The following KLHL1 variants were observed in gnomAD, a reference collection of about 807,000 sequenced individuals.
KLHL1 encodes kelch-like protein 1.
Under a neutral mutation model 77.7 loss-of-function variants are expected in KLHL1, and 47 were observed. That is an observed-to-expected ratio of 0.60 (90% CI 0.48 to 0.77). The LOEUF is 0.77. Among genes scored for constraint, KLHL1 ranks in the 30% least tolerant of loss-of-function variants. The pLI is 0.00. For missense variants in KLHL1, 925 were observed against 910.8 expected (o/e 1.02, Z -0.20); for synonymous variants, 360 against 325.2 (o/e 1.11, Z -1.15).
intron 4 of KLHL1, among the ~76,000 whole-genome samples, chr13:69,904,818 T>G (rs1881993904): frequency 6.6e-6 from 1 of 152,104 alleles, no homozygotes; most frequent in Non-Finnish European, 1.5e-5. Flanking sequence ...CTATACTGAG[T>G]TTTTAAATCA....
At chr13:69,863,007 A>G (rs1232010042) in intron 5 of KLHL1, among the ~76,000 whole-genome samples, 1 of 152,096 alleles carries the variant, frequency 6.6e-6, no homozygotes, top group Non-Finnish European at 1.5e-5. Flanking sequence ...GTTAAAATTT[A>G]TCTTTTACTC....
intron 7 of KLHL1, among the ~76,000 whole-genome samples, chr13:69,773,272 T>A (rs886534713): frequency 6.6e-6 from 1 of 152,118 alleles, no homozygotes; most frequent in African/African-American, 2.4e-5. Context: ...ATTTTTTATG[T>A]TCACCATGTG....
At chr13:69,956,135 A>ATGATATATATTTATATATATT (rs1182159282) in intron 3 of KLHL1, among the ~76,000 whole-genome samples, 28 of 141,842 alleles carry the variant, frequency 2.0e-4, no homozygotes, top group African/African-American at 7.2e-4. Flanking sequence ...TTTGATATAT[A>ATGATATATATTTATATATATT]TGATATATAT....
intron 1 of KLHL1, among the ~76,000 whole-genome samples, chr13:70,098,695 T>C (rs1250685624): frequency 6.6e-6 from 1 of 151,828 alleles, no homozygotes; most frequent in Admixed American, 6.6e-5. Context: ...AGCTGTTTAA[T>C]GTTTAGTGTA....
intron 10 of KLHL1, among the ~76,000 whole-genome samples, chr13:69,703,561 C>T (rs1875496096): frequency 6.6e-6 from 1 of 151,410 alleles, no homozygotes; most frequent in Non-Finnish European, 1.5e-5. Context: ...TCTGCAGTAG[C>T]ATATAGTAAT....
intron 6 of KLHL1, among the ~76,000 whole-genome samples, chr13:69,819,368 T>G (rs1878248338): frequency 6.6e-6 from 1 of 152,206 alleles, no homozygotes; most frequent in Admixed American, 6.5e-5. Flanking sequence ...ACACTCTCCA[T>G]AATAAAATGA....
intron 9 of KLHL1, among the ~76,000 whole-genome samples, chr13:69,717,541 T>G (rs189758308): frequency 6.3e-4 from 96 of 152,280 alleles, no homozygotes; most frequent in Non-Finnish European, 8.5e-4. Context: ...ATAAATGTAT[T>G]CCTAGACTGA....
intron 7 of KLHL1, among the ~76,000 whole-genome samples, chr13:69,775,258 A>G (rs1490206384): frequency 6.6e-6 from 1 of 152,148 alleles, no homozygotes; most frequent in Non-Finnish European, 1.5e-5. Context: ...AGATGGAGCA[A>G]GGTTACACTG....
intron 4 of KLHL1, among the ~76,000 whole-genome samples, chr13:69,914,609 G>GA (rs1882357325): frequency 6.6e-6 from 1 of 152,142 alleles, no homozygotes; most frequent in Admixed American, 6.6e-5. Context: ...GCCAGATAAT[G>GA]AAACATGATA....
intron 4 of KLHL1, among the ~76,000 whole-genome samples, chr13:69,914,003 G>A (rs976640714): frequency 1.3e-5 from 2 of 152,138 alleles, no homozygotes; most frequent in African/African-American, 4.8e-5. Flanking sequence ...GAAGAAGAAC[G>A]TGGAAAGACT....
chr13:69,845,366 C>T (rs1879418498), intron 5 of KLHL1, among the ~76,000 whole-genome samples: 1 of 151,654 alleles, frequency 6.6e-6, no homozygotes, highest in South Asian at 2.1e-4. Flanking sequence ...AATGAATGTA[C>T]TTCTCAGAGA....
rs1029634353 is a variant in KLHL1, at chr13:69,964,783, A to T, written c.681-3339T>A. Among the ~76,000 whole-genome samples the T allele has an allele frequency of 7.2e-5, 11 of 152,078 alleles. 1 individual carries two copies. The highest frequency in any genetic ancestry group is 8.8e-5 in the Non-Finnish European group (6 of 68,008). On this transcript the variant is annotated intron_variant, in intron 2 of 10. Transcript: ENST00000377844. ...TATTCATTGTTATCTATCTTCTCCT[A>T]TAAATATTTTGAATTATTTATGATA...
At chr13:69,751,199 C>T (rs930300665) in intron 7 of KLHL1, among the ~76,000 whole-genome samples, 4 of 150,866 alleles carry the variant, frequency 2.7e-5, no homozygotes, top group Admixed American at 1.3e-4. Context: ...TGTATGAAAT[C>T]AAGGCTGTCA....
chr13:69,825,250 A>G (rs1297865185), intron 6 of KLHL1, among the ~76,000 whole-genome samples: 1 of 152,154 alleles, frequency 6.6e-6, no homozygotes, highest in Non-Finnish European at 1.5e-5. Flanking sequence ...ATTTTAAAGC[A>G]GGGTGAGATA....
chr13:69,843,063 G>C (rs1879329298), intron 5 of KLHL1, among the ~76,000 whole-genome samples: 1 of 151,570 alleles, frequency 6.6e-6, no homozygotes, highest in Non-Finnish European at 1.5e-5. Flanking sequence ...GGAGAACAAG[G>C]AAGCAAACTG....
chr13:69,941,220 A>G (rs374592962), intron 3 of KLHL1, among the ~76,000 whole-genome samples: 4 of 152,030 alleles, frequency 2.6e-5, no homozygotes, highest in African/African-American at 7.2e-5. Flanking sequence ...GTCTCAATCA[A>G]TTTAAGAAAA....
chr13:70,078,437 T>C (rs1263482132), intron 1 of KLHL1, among the ~76,000 whole-genome samples: 1 of 152,138 alleles, frequency 6.6e-6, no homozygotes, highest in Non-Finnish European at 1.5e-5. Flanking sequence ...AACCTTCATT[T>C]GTATAACTTC....
At chr13:69,890,441 G>A (rs925459458) in intron 4 of KLHL1, among the ~76,000 whole-genome samples, 4 of 151,946 alleles carry the variant, frequency 2.6e-5, no homozygotes, top group East Asian at 3.9e-4. Context: ...CTGATTACCC[G>A]GTAATTATTT....
intron 4 of KLHL1, among the ~76,000 whole-genome samples, chr13:69,919,044 T>A (rs2138260148): frequency 6.6e-6 from 1 of 152,302 alleles, no homozygotes; most frequent in South Asian, 2.1e-4. Flanking sequence ...TGTATGTATC[T>A]GAAAGATGAA....
Sources: gnomAD v4.1 joint callset for allele counts (sites outside exome capture counted in the v4.1 genomes callset) on GRCh38, gnomAD v4.1.1 for gene constraint, MANE v1.5 for transcripts, NCBI Gene and HGNC (gene_info 2026-07-23, HGNC 2026-07-21) for gene names.